Variants in FAM120AOS observed in about 807,000 individuals in gnomAD.
FAM120AOS encodes family with sequence similarity 120 member A opposite strand.
A neutral mutation model predicts 20.2 loss-of-function variants in FAM120AOS; 15 were observed. The observed-to-expected ratio is 0.74, with a 90% CI of 0.50 to 1.15. FAM120AOS has a LOEUF of 1.15. FAM120AOS is among the 50% of genes most tolerant of loss of function. The pLI is 0.00. For missense variants in FAM120AOS, 327 were observed against 351.9 expected, an observed-to-expected ratio of 0.93 and a Z score of 0.57; for synonymous variants, 154 against 154.0, an observed-to-expected ratio of 1.00 and a Z score of 0.00.
At position 93,444,143 on chromosome 9, in the gene FAM120AOS, C is replaced by T. The variant is rs1047259413; in HGVS notation, c.*3468G>A. 2.6e-5 allele frequency among the ~76,000 whole-genome samples: 4 copies of T among 151,828 alleles called. No homozygotes were observed. The highest frequency in any genetic ancestry group is 5.9e-5 in the Non-Finnish European group (4 of 67,948). ...GCAACCTCCACCTCCCAGGTTCAAG[C>T]GATTCTCCTGCCTCAGCCTCCCGAG... On this transcript the variant is annotated 3_prime_UTR_variant, in exon 3 of 3. Transcript: ENST00000375412.
At chr9:93,451,683 G>A in intron 1 of FAM120AOS, 75 of 982,962 alleles carry the variant, frequency 7.6e-5, no homozygotes, top group Non-Finnish European at 9.0e-5. Flanking sequence ...CTCGGCCTCG[G>A]CCTCGGCCTC....
At chr9:93,450,626 T>C (rs368163670) in intron 1 of FAM120AOS, 27 bp from the exon 2 acceptor site, 2 of 1,608,736 alleles carry the variant, frequency 1.2e-6, no homozygotes, top group Admixed American at 1.7e-5. Context: ...AATGGAGAGA[T>C]GAAGGTAAGT....
intron 1 of FAM120AOS, chr9:93,451,651 C>T: frequency 4.1e-6 from 4 of 981,786 alleles, no homozygotes; most frequent in Middle Eastern, 5.2e-4. Context: ...CGCCGCCCGC[C>T]CGCCCCGCCC....
chr9:93,452,030 C>A lies in FAM120AOS; in HGVS notation c.563+117G>T. 6.4e-7 allele frequency: 1 copy of A among 1,563,708 alleles called. No homozygotes were observed. Among genetic ancestry groups the A allele is most frequent in the East Asian group, 2.4e-5 (1 of 42,418 alleles). The stretch of plus-strand genomic sequence containing the variant: ...CCTGGTGGGCGGCGGGCGGCAGCGG[C>A]CCCCGCAGACCCCGCTGCGCCTGCT... On this transcript the variant is annotated intron_variant, in intron 1 of 2. Transcript: ENST00000375412. The surrounding 1 kb of genome is among the most constrained non-coding windows in gnomAD (Gnocchi z 7.0).
intron 1 of FAM120AOS, chr9:93,450,951 T>C: frequency 7.3e-7 from 1 of 1,373,644 alleles, no homozygotes; most frequent in East Asian, 2.5e-5. Context: ...AGACCTGTGC[T>C]CTCAAGACAG....
rs1277980134 is a variant in FAM120AOS at position 93,444,348 on chromosome 9, G to A, written c.*3263C>T. On this transcript the variant is annotated 3_prime_UTR_variant, in exon 3 of 3. Coordinates refer to ENST00000375412, the MANE Select transcript of FAM120AOS (RefSeq NM_198841.4). ...AGCCACCGTGTCCAGCCTGACTAGGGTCATCTTTAGGTCAGGACTGAGAGA... is the reference window on the plus strand; with the variant it reads ...AGCCACCGTGTCCAGCCTGACTAGGATCATCTTTAGGTCAGGACTGAGAGA... Among the ~76,000 whole-genome samples, 2 of 152,026 alleles carry A rather than the reference G, an allele frequency of 1.3e-5. No individual in the cohort carries two copies. The highest frequency in any genetic ancestry group is 2.9e-5 in the Non-Finnish European group (2 of 67,994).
At chr9:93,451,320 T>G in intron 1 of FAM120AOS, 2 of 1,442,898 alleles carry the variant, frequency 1.4e-6, no homozygotes, top group Non-Finnish European at 9.1e-7. Flanking sequence ...AGGCGAGCTC[T>G]TCCCCAGGAC....
chr9:93,447,451 A>G lies in FAM120AOS; in HGVS notation c.*160T>C. On this transcript the variant is annotated 3_prime_UTR_variant, in exon 3 of 3. Coordinates refer to ENST00000375412, the MANE Select transcript of FAM120AOS (RefSeq NM_198841.4). ...TTCAGATGTGTTAATAAAAGTGGAT[A>G]AAGACCACTCTAGCTTTAAAACACC... 1 of 659,940 alleles carries G rather than the reference A, an allele frequency of 1.5e-6. No homozygotes were observed. Among genetic ancestry groups the G allele is most frequent in the East Asian group, 2.6e-5 (1 of 38,450 alleles). 40.9% of individuals were successfully genotyped at this position (659,940 alleles called of 1,614,324 possible).
rs1171193813 is a variant in FAM120AOS at position 93,453,462 on chromosome 9, C to T, written c.-753G>A. The T allele has an allele frequency of 2.0e-6, 2 of 985,322 alleles. No homozygotes were observed. The highest frequency in any genetic ancestry group is 1.1e-4 in the East Asian group (1 of 8,824). 61.0% of individuals were successfully genotyped at this position (985,322 alleles called of 1,614,324 possible). ...GCCTTTTTGTTGTCTTAGCTCTTGA[C>T]ACTCGGTCTTCCATCTTGTCATTTG... On this transcript the variant is annotated 5_prime_UTR_variant, in exon 1 of 3. Transcript: ENST00000375412.
At position 93,446,046 on chromosome 9, in the gene FAM120AOS, G is replaced by C. The variant is rs763845420; in HGVS notation, c.*1565C>G. Among the ~76,000 whole-genome samples, 1 of 152,172 alleles carries C rather than the reference G, an allele frequency of 6.6e-6. No homozygotes were observed. Among genetic ancestry groups the C allele is most frequent in the African/African-American group, 2.4e-5 (1 of 41,438 alleles). Reference sequence around the variant, plus strand: ...ATACCACCACACCTGGGACCTGGGAGGAATGGGGAAGGGGACTTTATAGGG... The same window carrying C: ...ATACCACCACACCTGGGACCTGGGACGAATGGGGAAGGGGACTTTATAGGG... On this transcript the variant is annotated 3_prime_UTR_variant, in exon 3 of 3. Coordinates refer to ENST00000375412, the MANE Select transcript of FAM120AOS (RefSeq NM_198841.4).
chr9:93,451,223 G>T, intron 1 of FAM120AOS: 13 of 1,526,540 alleles, frequency 8.5e-6, no homozygotes, highest in Non-Finnish European at 1.1e-5. Context: ...CGACGGCGGC[G>T]TTAGAAAGGC....
At position 93,450,536 on chromosome 9, in the gene FAM120AOS, T is replaced by G; in HGVS notation, c.627A>C (p.Thr209=). Residue 209 remains threonine, a synonymous_variant, in exon 2 of 3, where the codon ACA becomes ACC. Coordinates refer to ENST00000375412, the MANE Select transcript of FAM120AOS (RefSeq NM_198841.4). ...CCAAACCGTGCGCGTGCAGGCTCCA[T>G]GTGCTGGGCAGCAGCTGTCCGGCCA... ...QAVAGQLLPS[T]WSLHAHGLAK... is the part of the protein sequence containing the mutation. 1 of 1,606,160 alleles carries G rather than the reference T, an allele frequency of 6.2e-7. No individual in the cohort carries two copies. The highest frequency in any genetic ancestry group is 8.5e-7 in the Non-Finnish European group (1 of 1,175,950).
intron 1 of FAM120AOS, chr9:93,451,112 C>T: frequency 6.4e-7 from 1 of 1,550,628 alleles, no homozygotes; most frequent in Non-Finnish European, 8.7e-7. Context: ...CATTCTCGCG[C>T]TCCTTCCTGC....
Position 93,453,508 on chromosome 9 carries a change from G to A in FAM120AOS, c.-799C>T, listed in dbSNP as rs2131176358. 1 of 985,408 alleles carries A rather than the reference G, an allele frequency of 1.0e-6. No homozygotes were observed. The highest frequency in any genetic ancestry group is 1.2e-6 in the Non-Finnish European group (1 of 829,950). 61.0% of individuals were successfully genotyped at this position (985,408 alleles called of 1,614,324 possible). A position where few individuals can be genotyped will look rare whatever the true frequency, so the allele number is the denominator to read the frequency against. Reference sequence around the variant, plus strand: ...ATTTGACATTTCCTTGAAACTGCTGGAGCTGAAAGTTTGTGAAATTCTGTC... The same window carrying A: ...ATTTGACATTTCCTTGAAACTGCTGAAGCTGAAAGTTTGTGAAATTCTGTC... On this transcript the variant is annotated 5_prime_UTR_variant, in exon 1 of 3. Coordinates refer to ENST00000375412, the MANE Select transcript of FAM120AOS (RefSeq NM_198841.4).
rs941831446 is a variant in FAM120AOS at position 93,446,208 on chromosome 9, G to T, written c.*1403C>A. Reference sequence around the variant, plus strand: ...TCTTCCTTTGTCAGCAAGGTCAAACGCCTGAGCCACAAGTCTTAGCTGTTT... The same window carrying T: ...TCTTCCTTTGTCAGCAAGGTCAAACTCCTGAGCCACAAGTCTTAGCTGTTT... On this transcript the variant is annotated 3_prime_UTR_variant, in exon 3 of 3. Transcript: ENST00000375412. Among the ~76,000 whole-genome samples, 10 of 152,270 alleles carry T rather than the reference G, an allele frequency of 6.6e-5. No individual in the cohort carries two copies. Among genetic ancestry groups the T allele is most frequent in the African/African-American group, 2.4e-4 (10 of 41,558 alleles).
rs1588738786 is a variant in FAM120AOS, at chr9:93,447,454, G to C, written c.*157C>G. 2 of 667,942 alleles carry C rather than the reference G, an allele frequency of 3.0e-6. No individual in the cohort carries two copies. Among genetic ancestry groups the C allele is most frequent in the East Asian group, 2.6e-5 (1 of 38,572 alleles). 41.4% of individuals were successfully genotyped at this position (667,942 alleles called of 1,614,324 possible). On this transcript the variant is annotated 3_prime_UTR_variant, in exon 3 of 3. Transcript: ENST00000375412. ...AGATGTGTTAATAAAAGTGGATAAA[G>C]ACCACTCTAGCTTTAAAACACCCTC...
chr9:93,450,071 C>T (rs1372499911), intron 2 of FAM120AOS, among the ~76,000 whole-genome samples: 1 of 152,142 alleles, frequency 6.6e-6, no homozygotes, highest in Non-Finnish European at 1.5e-5. Flanking sequence ...ACTGCAACCT[C>T]CGCCTCCCGG....
At position 93,451,280 on chromosome 9, in the gene FAM120AOS, C is replaced by T. The variant is rs773631261; in HGVS notation, c.564-681G>A. ...ACTCGGCCTCGGCTCCCCTTCAAAG[C>T]GCCATCTTATCGCTGCTTCCCTCAG... On this transcript the variant is annotated intron_variant, in intron 1 of 2. Transcript: ENST00000375412. The T allele has an allele frequency of 1.9e-3, 2,736 of 1,474,690 alleles. 2 individuals carry two copies. The highest frequency in any genetic ancestry group is 2.3e-3 in the Non-Finnish European group (2,571 of 1,111,908). 91.4% of individuals were successfully genotyped at this position (1,474,690 alleles called of 1,614,324 possible).
intron 1 of FAM120AOS, chr9:93,451,767 C>T (rs1350768642): frequency 2.0e-6 from 2 of 981,878 alleles, no homozygotes; most frequent in East Asian, 2.3e-4. Context: ...ACATGGCGGC[C>T]GCGGCGGCCA....
Sources: gnomAD v4.1 joint callset for allele counts (sites outside exome capture counted in the v4.1 genomes callset) on GRCh38, gnomAD v4.1.1 for gene constraint, Gnocchi (gnomAD v3.1) non-coding constraint, MANE v1.5 for transcripts, NCBI Gene and HGNC (gene_info 2026-07-23, HGNC 2026-07-21) for gene names.